Variants in MAML2 observed in about 807,000 individuals in gnomAD.
MAML2 encodes mastermind like transcriptional coactivator 2.
A neutral mutation model predicts 96.1 loss-of-function variants in MAML2; 22 were observed. The ratio of observed to expected loss-of-function variants is 0.23; its 90% CI spans 0.16 to 0.33. MAML2 has a LOEUF of 0.33. MAML2 is among the 10% of genes least tolerant of loss of function. The pLI is 1.00. For missense variants in MAML2, 1,367 were observed against 1,392.4 expected (o/e 0.98, Z 0.29); for synonymous variants, 561 against 521.3 (o/e 1.08, Z -1.04).
chr11:96,097,238 C>A (rs1271378055), intron 1 of MAML2, among the ~76,000 whole-genome samples: 6 of 152,244 alleles, frequency 3.9e-5, no homozygotes, highest in Non-Finnish European at 7.4e-5. Context: ...ACCTCAAGGA[C>A]AAATAGCTTA....
intron 1 of MAML2, among the ~76,000 whole-genome samples, chr11:96,128,290 A>G (rs1860486313): frequency 6.6e-6 from 1 of 152,098 alleles, no homozygotes; most frequent in African/African-American, 2.4e-5. Flanking sequence ...ACTACTTGGG[A>G]GGCTGAGACA....
intron 1 of MAML2, among the ~76,000 whole-genome samples, chr11:96,259,325 C>T (rs1862715140): frequency 1.3e-5 from 2 of 152,100 alleles, no homozygotes; most frequent in African/African-American, 4.8e-5. Context: ...TATTTTTTAG[C>T]CAGCATTTTC....
At chr11:96,321,431 C>T (rs1863697842) in intron 1 of MAML2, among the ~76,000 whole-genome samples, 1 of 152,232 alleles carries the variant, frequency 6.6e-6, no homozygotes, top group Non-Finnish European at 1.5e-5. Flanking sequence ...TGTTTTGTTA[C>T]ACTTGCTTAA....
At chr11:96,230,564 G>GGT (rs1435589765) in intron 1 of MAML2, among the ~76,000 whole-genome samples, 1 of 152,018 alleles carries the variant, frequency 6.6e-6, no homozygotes, top group Admixed American at 6.5e-5. Flanking sequence ...TCTTCAAATG[G>GGT]GTAAACGAAT....
At chr11:96,237,152 G>A (rs1012976818) in intron 1 of MAML2, among the ~76,000 whole-genome samples, 4 of 152,214 alleles carry the variant, frequency 2.6e-5, no homozygotes, top group Middle Eastern at 6.8e-3. Flanking sequence ...TCCCTTGTCC[G>A]GTCCCCTCCC....
At chr11:96,132,554 A>G (rs954504824) in intron 1 of MAML2, among the ~76,000 whole-genome samples, 22 of 150,968 alleles carry the variant, frequency 1.5e-4, no homozygotes, top group African/African-American at 4.9e-4. Context: ...ACAAGAAAGT[A>G]GAACTCAAAA....
chr11:96,254,862 C>G (rs1304798044), intron 1 of MAML2, among the ~76,000 whole-genome samples: 2 of 152,010 alleles, frequency 1.3e-5, no homozygotes, highest in Non-Finnish European at 2.9e-5. Context: ...ACTGTGTCAC[C>G]CAGGCTGGAG....
chr11:96,240,418 C>T (rs975172174), intron 1 of MAML2, among the ~76,000 whole-genome samples: 6 of 151,248 alleles, frequency 4.0e-5, no homozygotes, highest in African/African-American at 7.3e-5. Context: ...GGCGCGGTGG[C>T]GGGCGCCTGT....
intron 1 of MAML2, among the ~76,000 whole-genome samples, chr11:96,149,040 C>T (rs868280305): frequency 3.3e-5 from 5 of 152,126 alleles, no homozygotes; most frequent in Middle Eastern, 3.2e-3. Flanking sequence ...TCCAGTAGCC[C>T]TCTGTGACGA....
chr11:96,233,813 T>C (rs1339359041), intron 1 of MAML2, among the ~76,000 whole-genome samples: 1 of 152,142 alleles, frequency 6.6e-6, no homozygotes, highest in Non-Finnish European at 1.5e-5. Context: ...ACCTGCCGTG[T>C]AGTTGGTATT....
intron 2 of MAML2, among the ~76,000 whole-genome samples, chr11:96,006,620 A>G (rs1858182321): frequency 6.7e-6 from 1 of 148,814 alleles, no homozygotes; most frequent in Non-Finnish European, 1.5e-5. Context: ...GTGCAGTGGC[A>G]TGATCTCGGT....
intron 1 of MAML2, among the ~76,000 whole-genome samples, chr11:96,188,874 A>T (rs902531526): frequency 1.8e-4 from 28 of 152,214 alleles, no homozygotes; most frequent in African/African-American, 6.5e-4. Context: ...GGCTGGTCAG[A>T]GCACCACCAA....
At chr11:96,047,777 T>G (rs1327413780) in intron 2 of MAML2, among the ~76,000 whole-genome samples, 2 of 151,446 alleles carry the variant, frequency 1.3e-5, no homozygotes, top group African/African-American at 4.8e-5. Context: ...GGCATGGTGG[T>G]GGTGGGCACC....
At chr11:96,256,961 A>T (rs1038619422) in intron 1 of MAML2, among the ~76,000 whole-genome samples, 3 of 152,200 alleles carry the variant, frequency 2.0e-5, no homozygotes, top group African/African-American at 7.2e-5. Flanking sequence ...GCAATCTCAG[A>T]ACTAGAAAAA....
intron 1 of MAML2, among the ~76,000 whole-genome samples, chr11:96,241,379 C>T (rs1307098336): frequency 2.6e-5 from 4 of 152,172 alleles, no homozygotes; most frequent in African/African-American, 4.8e-5. Flanking sequence ...GGGAGGCTGA[C>T]GACTATTCCC....
chr11:96,002,017 G>A (rs61902463), intron 2 of MAML2, among the ~76,000 whole-genome samples: 41,716 of 151,986 alleles, frequency 0.27, 5,946 homozygotes, highest in South Asian at 0.41. Context: ...GCTCAACTCA[G>A]ATGTAATTTT....
In MAML2 at chr11:95,991,668, C is replaced by T. The variant is rs1857914775; in HGVS notation, c.2195G>A (p.Cys732Tyr). Residue 732 changes from cysteine to tyrosine, a missense_variant, in exon 3 of 5, where the codon TGC (cysteine) becomes TAC (tyrosine). Coordinates refer to ENST00000524717, the MANE Select transcript of MAML2 (RefSeq NM_032427.4). ...ACCACTTCCAGTGTTTGGATTTGAG[C>T]AGGGGTTAGGACTTGGACTGGGGCC... Reference protein sequence around the residue: ...NTGPSPSPNPCSNPNTGSGYM... With the variant: ...NTGPSPSPNPYSNPNTGSGYM... 6.2e-7 allele frequency: 1 copy of T among 1,613,600 alleles called. No homozygotes were observed. Among genetic ancestry groups the T allele is most frequent in the Non-Finnish European group, 8.5e-7 (1 of 1,179,690 alleles).
intron 1 of MAML2, among the ~76,000 whole-genome samples, chr11:96,213,524 T>C (rs899324411): frequency 6.6e-6 from 1 of 152,186 alleles, no homozygotes; most frequent in Non-Finnish European, 1.5e-5. Context: ...AATCATAGCA[T>C]CCCATATGGA....
At chr11:96,086,997 T>C (rs1482108125) in intron 2 of MAML2, among the ~76,000 whole-genome samples, 1 of 152,208 alleles carries the variant, frequency 6.6e-6, no homozygotes, top group Non-Finnish European at 1.5e-5. Context: ...CCTCTACCTA[T>C]TTCCTTAATT....
Sources: gnomAD v4.1 joint callset for allele counts (sites outside exome capture counted in the v4.1 genomes callset) on GRCh38, gnomAD v4.1.1 for gene constraint, MANE v1.5 for transcripts, NCBI Gene and HGNC (gene_info 2026-07-23, HGNC 2026-07-21) for gene names.